Variants in STK32B observed in about 807,000 individuals in gnomAD.
The protein encoded by STK32B is serine/threonine kinase 32B.
In STK32B, 43 loss-of-function variants were observed where a neutral mutation model predicts 52.6. The observed-to-expected ratio is 0.82, with a 90% CI of 0.64 to 1.05. The LOEUF is 1.05. Among genes scored for constraint, STK32B ranks in the 50% least tolerant of loss-of-function variants. The pLI is 0.00. For missense variants in STK32B, 621 were observed against 534.6 expected (o/e 1.16, Z -1.59); for synonymous variants, 238 against 204.3 (o/e 1.17, Z -1.41).
chr4:5,156,303 A>G (rs987659344), intron 2 of STK32B, among the ~76,000 whole-genome samples: 1 of 152,128 alleles, frequency 6.6e-6, no homozygotes, highest in Admixed American at 6.6e-5. Flanking sequence ...AAATAAATAT[A>G]AATGAATGAA....
At chr4:5,482,193 G>A (rs1334580439) in intron 11 of STK32B, among the ~76,000 whole-genome samples, 1 of 152,118 alleles carries the variant, frequency 6.6e-6, no homozygotes, top group East Asian at 1.9e-4. Context: ...CCATTTTCAC[G>A]ATATTGATTC....
intron 3 of STK32B, among the ~76,000 whole-genome samples, chr4:5,252,111 G>T (rs1408288981): frequency 6.6e-6 from 1 of 152,200 alleles, no homozygotes; most frequent in East Asian, 1.9e-4. Flanking sequence ...AGATGTCTCA[G>T]TTGAGGAGCT....
chr4:5,342,288 T>G (rs1454728061), intron 4 of STK32B, among the ~76,000 whole-genome samples: 1 of 152,100 alleles, frequency 6.6e-6, no homozygotes, highest in East Asian at 1.9e-4. Flanking sequence ...CAGCAAAGAC[T>G]TGGAACCAAC....
At chr4:5,358,698 CAT>C (rs1491047298) in intron 4 of STK32B, among the ~76,000 whole-genome samples, 18 of 100,648 alleles carry the variant, frequency 1.8e-4, no homozygotes, top group African/African-American at 8.1e-4. Flanking sequence ...CATTCACACA[CAT>C]GCACACACAC....
the STK32B span, among the ~76,000 whole-genome samples, chr4:5,021,215 G>A: frequency 6.6e-6 from 1 of 152,234 alleles, no homozygotes; most frequent in African/African-American, 2.4e-5. Flanking sequence ...CGATGTCTGA[G>A]GTTCCTTCCA....
intron 6 of STK32B, among the ~76,000 whole-genome samples, chr4:5,418,237 C>A (rs1174299125): frequency 6.6e-6 from 1 of 152,146 alleles, no homozygotes; most frequent in Non-Finnish European, 1.5e-5. Context: ...GTTTTTATTG[C>A]AATGATGTTA....
chr4:5,322,829 G>C (rs1049814858), intron 3 of STK32B, among the ~76,000 whole-genome samples: 1 of 152,164 alleles, frequency 6.6e-6, no homozygotes, highest in African/African-American at 2.4e-5. Flanking sequence ...TCCAACTCCA[G>C]ATTTCCCCCA....
At chr4:5,369,292 G>A (rs1032119359) in intron 4 of STK32B, among the ~76,000 whole-genome samples, 1 of 151,758 alleles carries the variant, frequency 6.6e-6, no homozygotes, top group African/African-American at 2.4e-5. Context: ...CCCAGCTGAG[G>A]GACCAGCTCC....
the STK32B span, among the ~76,000 whole-genome samples, chr4:5,039,176 G>A: frequency 6.6e-6 from 1 of 151,752 alleles, no homozygotes; most frequent in African/African-American, 2.4e-5. Context: ...TGTATTTTTG[G>A]TAGAGATGGG....
intron 3 of STK32B, among the ~76,000 whole-genome samples, chr4:5,254,456 A>G (rs1726160208): frequency 6.6e-6 from 1 of 152,104 alleles, no homozygotes; most frequent in Non-Finnish European, 1.5e-5. Context: ...ATTTTTGTAT[A>G]TAAATACTTA....
At chr4:5,406,674 A>T (rs751515881) in intron 5 of STK32B, among the ~76,000 whole-genome samples, 1 of 152,144 alleles carries the variant, frequency 6.6e-6, no homozygotes, top group African/African-American at 2.4e-5. Flanking sequence ...GTGGCCTGAG[A>T]TGTATCTAAG....
At chr4:5,493,720 C>G (rs1719947617) in intron 11 of STK32B, among the ~76,000 whole-genome samples, 2 of 152,162 alleles carry the variant, frequency 1.3e-5, no homozygotes, top group Admixed American at 6.5e-5. Flanking sequence ...GCATTTAGTG[C>G]TATAAATTTC....
At position 5,331,331 on chromosome 4, in the gene STK32B, A is replaced by G; in HGVS notation, c.372A>G (p.Lys124=). The change falls in exon 4 of 12, where the codon AAA becomes AAG. Residue 124 remains lysine (K), a synonymous_variant. Coordinates refer to ENST00000282908, the MANE Select transcript of STK32B (RefSeq NM_018401.3). ...TGCATTTCACAGAGGGGACTGTGAA[A>G]CTCTACATCTGTGAGCTGGCACTGG... ...QNVHFTEGTV[K]LYICELALAL... is the part of the protein sequence containing the mutation. 1 of 1,613,358 alleles carries G rather than the reference A, an allele frequency of 6.2e-7. No individual in the cohort carries two copies.
chr4:5,274,048 C>T (rs1235567644), intron 3 of STK32B, among the ~76,000 whole-genome samples: 1 of 152,006 alleles, frequency 6.6e-6, no homozygotes, highest in African/African-American at 2.4e-5. Flanking sequence ...TATTGCTAAG[C>T]TGTCAGTTCT....
chr4:5,254,391 T>C (rs980950039), intron 3 of STK32B, among the ~76,000 whole-genome samples: 19 of 152,278 alleles, frequency 1.2e-4, no homozygotes, highest in Middle Eastern at 3.4e-3. Context: ...ATTTCATTGA[T>C]TCCACCCCTT....
At chr4:5,279,283 A>G (rs1728041815) in intron 3 of STK32B, among the ~76,000 whole-genome samples, 1 of 152,214 alleles carries the variant, frequency 6.6e-6, no homozygotes, top group East Asian at 1.9e-4. Flanking sequence ...CCCTATTCCA[A>G]AAGGTAGAAA....
chr4:5,317,537 A>AGG, intron 3 of STK32B, among the ~76,000 whole-genome samples: 1 of 95,676 alleles, frequency 1.0e-5, no homozygotes, highest in Non-Finnish European at 1.7e-5. Context: ...TATATATTAC[A>AGG]TGTATATATA....
chr4:5,278,080 A>C (rs1414590157), intron 3 of STK32B, among the ~76,000 whole-genome samples: 2 of 152,234 alleles, frequency 1.3e-5, no homozygotes. Flanking sequence ...GAGGTGACTC[A>C]GGTGACTAAT....
At chr4:5,250,456 G>T (rs1309668640) in intron 3 of STK32B, among the ~76,000 whole-genome samples, 1 of 151,856 alleles carries the variant, frequency 6.6e-6, no homozygotes, top group East Asian at 1.9e-4. Flanking sequence ...GGGATTACAT[G>T]CATGTATCAC....
Sources: allele counts gnomAD v4.1 joint callset (sites outside exome capture counted in the v4.1 genomes callset), GRCh38; gene constraint gnomAD v4.1.1; transcripts MANE v1.5; gene names NCBI Gene and HGNC (gene_info 2026-07-23, HGNC 2026-07-21).